GRIP2: variants seen among roughly 807,000 people sequenced by gnomAD.
The protein encoded by GRIP2 is glutamate receptor interacting protein 2, also known as glutamate receptor-interacting protein 2.
A neutral mutation model predicts 108.3 loss-of-function variants in GRIP2; 58 were observed. That is an observed-to-expected ratio of 0.54 (90% CI 0.43 to 0.67). The LOEUF is 0.67. Among genes scored for constraint, GRIP2 ranks in the 30% least tolerant of loss-of-function variants. GRIP2 has a pLI of 0.00. For synonymous variants in GRIP2, 586 were observed against 598.2 expected (o/e 0.98, Z 0.30); for missense variants, 1,278 against 1,430.6 (o/e 0.89, Z 1.72).
chr3:14,520,643 T>C, intron 7 of GRIP2, 106 bp from the exon 8 acceptor site: 1 of 1,091,054 alleles, frequency 9.2e-7, no homozygotes, highest in Non-Finnish European at 1.3e-6. Context: ...AAGAAACTGT[T>C]ATACCCATTT....
chr3:14,564,182 T>G, the GRIP2 span, among the ~76,000 whole-genome samples: 1 of 152,252 alleles, frequency 6.6e-6, no homozygotes, highest in Non-Finnish European at 1.5e-5. Flanking sequence ...CAGAGCCACC[T>G]GCCAAGAAAC....
the GRIP2 span, among the ~76,000 whole-genome samples, chr3:14,561,690 A>G: frequency 5.9e-5 from 9 of 152,228 alleles, no homozygotes; most frequent in Non-Finnish European, 1.2e-4. Context: ...GAAACAAATT[A>G]GCATCTCATC....
At chr3:14,602,341 G>A in the GRIP2 span, 1 of 152,126 alleles carries the variant, frequency 6.6e-6, no homozygotes, top group Non-Finnish European at 1.5e-5. The surrounding 1 kb of genome is among the most constrained non-coding windows in gnomAD (Gnocchi z 4.7). Flanking sequence ...GCAGGGGGCA[G>A]TGCGGCGAGT....
chr3:14,522,083 T>A lies in GRIP2; in HGVS notation c.567-296A>T. 5.7e-6 allele frequency: 2 copies of A among 353,398 alleles called. No individual in the cohort carries two copies. Among genetic ancestry groups the A allele is most frequent in the Non-Finnish European group, 1.0e-5 (2 of 196,488 alleles). The allele number at this position is 353,398 out of a possible 1,614,324, so 21.9% of individuals were successfully genotyped here. On this transcript the variant is annotated intron_variant, in intron 6 of 23. Coordinates refer to ENST00000621039, the MANE Select transcript of GRIP2 (RefSeq NM_001080423.4). This position sits in a 1 kb window ranked among gnomAD's most constrained non-coding sequence, Gnocchi z 4.3. ...ACTCAGTGCAGAACCCTGAAATGTC[T>A]GAGCTGGGGGTGCTCTTCAAGCGTC... is the stretch of plus-strand genomic sequence containing the variant.
chr3:14,572,239 C>T, the GRIP2 span, among the ~76,000 whole-genome samples: 85 of 151,524 alleles, frequency 5.6e-4, no homozygotes, highest in African/African-American at 1.9e-3. Flanking sequence ...ATAAAAATGG[C>T]GGCATATTCA....
intron 1 of GRIP2, among the ~76,000 whole-genome samples, chr3:14,538,725 G>A (rs758365064): frequency 6.6e-6 from 1 of 151,976 alleles, no homozygotes; most frequent in Non-Finnish European, 1.5e-5. Flanking sequence ...AAATGTCAGA[G>A]AGGTCAGGAA....
chr3:14,534,701 G>C (rs1235927186), intron 1 of GRIP2, among the ~76,000 whole-genome samples: 1 of 152,162 alleles, frequency 6.6e-6, no homozygotes, highest in South Asian at 2.1e-4. Context: ...AGGGAGAAAC[G>C]TGCTTGGAGC....
intron 23 of GRIP2, among the ~76,000 whole-genome samples, chr3:14,494,498 G>A (rs544069679): frequency 6.6e-6 from 1 of 152,342 alleles, no homozygotes; most frequent in African/African-American, 2.4e-5. Context: ...TCTGGGTGAA[G>A]GCGGAAAAAA....
the GRIP2 span, among the ~76,000 whole-genome samples, chr3:14,566,703 C>T: frequency 2.6e-5 from 4 of 152,186 alleles, no homozygotes; most frequent in Non-Finnish European, 4.4e-5. Flanking sequence ...TTCACAGCCC[C>T]TGACCCCTCC....
At chr3:14,579,677 G>A in the GRIP2 span, among the ~76,000 whole-genome samples, 3 of 35,466 alleles carry the variant, frequency 8.5e-5, no homozygotes, top group African/African-American at 3.0e-4. Context: ...TCAGTCTCCC[G>A]CCTTCACAAC....
upstream of GRIP2, chr3:14,542,163 T>A: frequency 2.3e-6 from 2 of 877,284 alleles, no homozygotes; most frequent in Non-Finnish European, 3.1e-6. Context: ...ATTTTTTTTA[T>A]TTTTTTTTGT....
intron 16 of GRIP2, among the ~76,000 whole-genome samples, chr3:14,510,466 T>C (rs1020949270): frequency 6.6e-6 from 1 of 152,008 alleles, no homozygotes; most frequent in African/African-American, 2.4e-5. Context: ...GGTTTCGCCA[T>C]GTTGCCCAGG....
chr3:14,567,291 G>A, the GRIP2 span, among the ~76,000 whole-genome samples: 46 of 152,256 alleles, frequency 3.0e-4, no homozygotes, highest in South Asian at 9.3e-3. Flanking sequence ...AAGGGAGCAG[G>A]CCCCTAAGAC....
upstream of GRIP2, among the ~76,000 whole-genome samples, chr3:14,557,156 A>G (rs572002691): frequency 7.2e-5 from 11 of 152,320 alleles, no homozygotes; most frequent in African/African-American, 2.4e-4. Context: ...CAGCAATCCT[A>G]TCTCTGGAAT....
At chr3:14,547,507 A>T (rs1445734781) in intron 1 of GRIP2, among the ~76,000 whole-genome samples, 1 of 152,244 alleles carries the variant, frequency 6.6e-6, no homozygotes, top group Non-Finnish European at 1.5e-5. Context: ...TTCAAAAATT[A>T]AAAATAAATA....
chr3:14,598,795 T>A, the GRIP2 span, among the ~76,000 whole-genome samples: 34,953 of 151,902 alleles, frequency 0.23, 4,118 homozygotes, highest in East Asian at 0.42. Context: ...CTCCAACAGG[T>A]CAAACTGTCC....
chr3:14,574,336 G>A, the GRIP2 span: 3 of 1,028,636 alleles, frequency 2.9e-6, no homozygotes, highest in East Asian at 2.5e-5. Flanking sequence ...AAGAGTTTGC[G>A]CACCGGCACA....
intron 1 of GRIP2, among the ~76,000 whole-genome samples, chr3:14,536,263 A>G (rs891404861): frequency 3.3e-5 from 5 of 152,176 alleles, no homozygotes; most frequent in African/African-American, 1.2e-4. Context: ...CCTAAGAACC[A>G]TGGAGGGAGG....
At chr3:14,574,443 C>T in the GRIP2 span, 1 of 712,354 alleles carries the variant, frequency 1.4e-6, no homozygotes, top group Non-Finnish European at 2.5e-6. Flanking sequence ...CCGCTTCCGC[C>T]AGCCTCGCTC....
Sources: allele counts gnomAD v4.1 joint callset (sites outside exome capture counted in the v4.1 genomes callset), GRCh38; gene constraint gnomAD v4.1.1; non-coding constraint Gnocchi (gnomAD v3.1); transcripts MANE v1.5; gene names NCBI Gene and HGNC (gene_info 2026-07-23, HGNC 2026-07-21).